CCDC7: variants seen among roughly 807,000 people sequenced by gnomAD.
CCDC7 encodes coiled-coil domain-containing protein 7.
A neutral mutation model predicts 196.9 loss-of-function variants in CCDC7; 183 were observed. The observed-to-expected ratio is 0.93, with a 90% CI of 0.82 to 1.05. The LOEUF (loss-of-function observed/expected upper bound fraction) is 1.05, where lower values mean the gene tolerates loss of function less well. Among genes scored for constraint, CCDC7 ranks in the 50% least tolerant of loss-of-function variants. The probability of loss-of-function intolerance (pLI) is 0.00; values close to 1 mark genes in which losing one functional copy is unlikely to be tolerated. For missense variants in CCDC7, 1,540 were observed against 1,482.2 expected (o/e 1.04, Z -0.64); for synonymous variants, 525 against 484.6 (o/e 1.08, Z -1.10).
At chr10:32,868,440 TAA>T (rs1292083954) in intron 41 of CCDC7, among the ~76,000 whole-genome samples, 1 of 152,022 alleles carries the variant, frequency 6.6e-6, no homozygotes, top group Non-Finnish European at 1.5e-5. Context: ...CATATGGATC[TAA>T]GTTTGGTCAG....
intron 32 of CCDC7, among the ~76,000 whole-genome samples, chr10:32,833,787 G>A (rs1043769880): frequency 1.3e-5 from 2 of 151,950 alleles, no homozygotes; most frequent in African/African-American, 2.4e-5. Context: ...GATTGTAATG[G>A]TGGTACATAT....
At chr10:32,468,302 C>T (rs1355931699) in intron 5 of CCDC7, among the ~76,000 whole-genome samples, 1 of 151,252 alleles carries the variant, frequency 6.6e-6, no homozygotes, top group Non-Finnish European at 1.5e-5. Context: ...GATTGTTCAC[C>T]TCCCTGGTTA....
intron 5 of CCDC7, among the ~76,000 whole-genome samples, chr10:32,465,101 T>C (rs1271213914): frequency 9.0e-6 from 1 of 110,654 alleles, no homozygotes; most frequent in Admixed American, 1.2e-4. Context: ...CTTTGAACAA[T>C]GAAACTAGTT....
At chr10:32,598,733 A>G (rs1273690039) in intron 18 of CCDC7, among the ~76,000 whole-genome samples, 1 of 152,184 alleles carries the variant, frequency 6.6e-6, no homozygotes, top group Non-Finnish European at 1.5e-5. Flanking sequence ...TAAATTTTCC[A>G]TCTCTAATTT....
intron 31 of CCDC7, among the ~76,000 whole-genome samples, chr10:32,818,158 G>T (rs865886073): frequency 6.6e-6 from 1 of 151,452 alleles, no homozygotes; most frequent in African/African-American, 2.4e-5. Context: ...CCAAGCAAAT[G>T]GAAAACAAAA....
At chr10:32,450,502 G>A (rs142204351), upstream of CCDC7, among the ~76,000 whole-genome samples, 964 of 152,276 alleles carry the variant, frequency 6.3e-3, 11 homozygotes, top group African/African-American at 0.022. Flanking sequence ...TCAGATAACA[G>A]AGTACCAGTG....
intron 28 of CCDC7, among the ~76,000 whole-genome samples, chr10:32,749,244 A>G (rs983410686): frequency 6.6e-6 from 1 of 152,164 alleles, no homozygotes; most frequent in Non-Finnish European, 1.5e-5. Flanking sequence ...GGATGGAGTG[A>G]CAGTTTCTGA....
chr10:32,865,087 C>T lies in CCDC7; in HGVS notation c.4111+10598C>T, dbSNP rs538599921. On this transcript the variant is annotated intron_variant, in intron 41 of 41. Coordinates refer to ENST00000639629, the Ensembl canonical transcript of CCDC7. ...ATAAATTAGTAACCATTAAAGTAAG[C>T]TCGATAATTAGACTTGATCAAAATT... Among the ~76,000 whole-genome samples, 18 of 151,868 alleles carry T rather than the reference C, an allele frequency of 1.2e-4. No homozygotes were observed. In the South Asian group the frequency reaches 3.7e-3, roughly 31 times the overall value.
rs998466294 is a variant in CCDC7 at position 32,543,326 on chromosome 10, A to C, written c.1020A>C (p.Thr340=). The C allele has an allele frequency of 4.8e-6, 7 of 1,466,580 alleles. No homozygotes were observed. The African/African-American group carries it at 5.8e-5, about 12-fold the overall frequency. 90.8% of individuals were successfully genotyped at this position (1,466,580 alleles called of 1,614,324 possible). Residue 340 remains threonine (T), a synonymous_variant, in exon 12 of 42, where the codon ACA becomes ACC. Coordinates refer to ENST00000639629, the Ensembl canonical transcript of CCDC7. ...AAACTAAGCCTACAAATAATCGAACAAAGAAAGCTGTGAAAACAGTGAAGA... is the reference window on the plus strand; with the variant it reads ...AAACTAAGCCTACAAATAATCGAACCAAGAAAGCTGTGAAAACAGTGAAGA...
intron 29 of CCDC7, among the ~76,000 whole-genome samples, chr10:32,781,228 T>C (rs1415440848): frequency 6.6e-6 from 1 of 152,108 alleles, no homozygotes; most frequent in East Asian, 1.9e-4. Flanking sequence ...TTACCAAATA[T>C]TTAAAGAAGA....
At chr10:32,582,957 A>G (rs547906001) in intron 16 of CCDC7, 77 bp from the exon 18 acceptor site, 9 of 822,378 alleles carry the variant, frequency 1.1e-5, no homozygotes, top group South Asian at 6.6e-5. Context: ...ATCCTTATAT[A>G]TTATTAAAAT....
intron 9 of CCDC7, among the ~76,000 whole-genome samples, chr10:32,494,199 G>A (rs1450395200): frequency 6.6e-6 from 1 of 151,952 alleles, no homozygotes; most frequent in Non-Finnish European, 1.5e-5. Context: ...AATTCATTTT[G>A]GGTCTATTTT....
intron 24 of CCDC7, among the ~76,000 whole-genome samples, chr10:32,703,432 C>T (rs2079114373): frequency 6.6e-6 from 1 of 152,048 alleles, no homozygotes; most frequent in Non-Finnish European, 1.5e-5. Flanking sequence ...ACATTTCTTT[C>T]TGGCTGCCCT....
intron 28 of CCDC7, among the ~76,000 whole-genome samples, chr10:32,769,240 G>C (rs1251653781): frequency 1.3e-5 from 2 of 151,976 alleles, no homozygotes; most frequent in Non-Finnish European, 2.9e-5. Context: ...GTGGAAGGTT[G>C]TATGTTTACA....
At chr10:32,599,418 A>G (rs543375133) in intron 18 of CCDC7, among the ~76,000 whole-genome samples, 1 of 152,222 alleles carries the variant, frequency 6.6e-6, no homozygotes, top group Non-Finnish European at 1.5e-5. Flanking sequence ...TATACTTAAT[A>G]TAATTACTGT....
intron 23 of CCDC7, among the ~76,000 whole-genome samples, chr10:32,694,085 A>G (rs1451668320): frequency 6.6e-6 from 1 of 152,236 alleles, no homozygotes; most frequent in African/African-American, 2.4e-5. Context: ...CTTTTAAATT[A>G]TATGATGGGA....
Position 32,451,732 on chromosome 10 carries a change from A to G in CCDC7, c.90A>G (p.Pro30=), listed in dbSNP as rs772097696. The change falls in exon 1 of 42, where the codon CCA becomes CCG. Residue 30 remains proline, a synonymous_variant. Transcript: ENST00000639629. The stretch of plus-strand genomic sequence containing the variant: ...CTAAAAAAGGACTACATAATTTACC[A>G]TTATCACCTGAGCTAAAGGAAAAAC... 2.9e-5 allele frequency: 47 copies of G among 1,614,070 alleles called. 1 individual carries two copies. Among genetic ancestry groups the G allele is most frequent in the African/African-American group, 2.4e-4 (18 of 74,938 alleles).
intron 28 of CCDC7, among the ~76,000 whole-genome samples, chr10:32,761,105 C>A (rs940786527): frequency 6.6e-6 from 1 of 151,992 alleles, no homozygotes; most frequent in Non-Finnish European, 1.5e-5. Flanking sequence ...TTGTGAGTTT[C>A]AGGCTATAAT....
At chr10:32,596,457 C>G (rs1435007248) in intron 18 of CCDC7, among the ~76,000 whole-genome samples, 1 of 152,090 alleles carries the variant, frequency 6.6e-6, no homozygotes, top group Non-Finnish European at 1.5e-5. Context: ...CTCCTGAATA[C>G]AGCACACTGA....
Sources: gnomAD v4.1 joint callset for allele counts (sites outside exome capture counted in the v4.1 genomes callset) on GRCh38, gnomAD v4.1.1 for gene constraint, MANE v1.5 for transcripts, NCBI Gene and HGNC (gene_info 2026-07-23, HGNC 2026-07-21) for gene names.